CKAP5: variants seen among roughly 807,000 people sequenced by gnomAD.
CKAP5 encodes cytoskeleton-associated protein 5.
In CKAP5, 27 loss-of-function variants were observed where a neutral mutation model predicts 232.8. That is an observed-to-expected ratio of 0.12 (90% CI 0.09 to 0.16). The LOEUF is 0.16. Ranked by LOEUF, CKAP5 falls within the 10% of genes least tolerant of loss-of-function variation. The pLI is 1.00. For synonymous variants in CKAP5, 785 were observed against 841.1 expected (o/e 0.93, Z 1.16); for missense variants, 1,838 against 2,424.7 (o/e 0.76, Z 5.08).
intron 1 of CKAP5, among the ~76,000 whole-genome samples, chr11:46,845,292 C>A (rs1039939526): frequency 6.6e-6 from 1 of 152,116 alleles, no homozygotes; most frequent in African/African-American, 2.4e-5. Flanking sequence ...GCCTTGGTCC[C>A]ATGAGAATTA....
intron 8 of CKAP5, 31 bp from the exon 9 acceptor site, chr11:46,801,335 T>C (rs1376450638): frequency 1.3e-6 from 2 of 1,503,724 alleles, no homozygotes; most frequent in African/African-American, 1.4e-5. Context: ...GAAAACAAAA[T>C]AGTCACAGCC....
At position 46,829,059 on chromosome 11, in the gene CKAP5, C is replaced by A. The variant is rs1007382868; in HGVS notation, c.-37-7791G>T. On this transcript the variant is annotated intron_variant, in intron 1 of 43. Coordinates refer to ENST00000529230, the MANE Select transcript of CKAP5 (RefSeq NM_001008938.4). ...ACAAAAAATGAGACATTCGTCTATA[C>A]AAAAATTGCTTTGCAAATATTTAAA... Among the ~76,000 whole-genome samples the A allele has an allele frequency of 3.3e-5, 5 of 152,104 alleles. No individual in the cohort carries two copies. The East Asian group carries it at 9.6e-4, about 29-fold the overall frequency.
chr11:46,786,239 T>A (rs1472739024), intron 16 of CKAP5, among the ~76,000 whole-genome samples: 1 of 152,162 alleles, frequency 6.6e-6, no homozygotes, highest in Admixed American at 6.5e-5. Context: ...ACAGTGAGGT[T>A]TCTGGTGATT....
chr11:46,770,343 C>G (rs1163540784), intron 25 of CKAP5: 1 of 502,198 alleles, frequency 2.0e-6, no homozygotes, highest in Non-Finnish European at 3.5e-6. Context: ...TACTTCTACA[C>G]TGCTTAATAT....
In CKAP5 at chr11:46,744,212, A is replaced by G. The variant is rs1460537944; in HGVS notation, c.5910T>C (p.Thr1970=). The G allele has an allele frequency of 6.2e-7, 1 of 1,614,046 alleles. No homozygotes were observed. The highest frequency in any genetic ancestry group is 8.5e-7 in the Non-Finnish European group (1 of 1,180,036). Residue 1970 remains threonine, a synonymous_variant, in exon 44 of 44, where the codon ACT becomes ACC. Transcript: ENST00000529230. ...GGAGCATGTCTGTGGAAGAGGCGAC[A>G]GTAGGAACTGCTGGTTTGGAGAGCA... The part of the protein sequence containing the change: ...TSLLSKPAVP[T]VASSTDMLHS...
At chr11:46,838,006 A>G (rs1939954709) in intron 1 of CKAP5, among the ~76,000 whole-genome samples, 1 of 152,190 alleles carries the variant, frequency 6.6e-6, no homozygotes, top group Non-Finnish European at 1.5e-5. Flanking sequence ...GAAACCTCAC[A>G]AACACTATTT....
intron 1 of CKAP5, among the ~76,000 whole-genome samples, chr11:46,843,170 G>T (rs1940102042): frequency 6.6e-6 from 1 of 152,008 alleles, no homozygotes; most frequent in South Asian, 2.1e-4. Context: ...CCCCAGTTTG[G>T]AGAAATTGTA....
At chr11:46,793,582 G>A (rs1938793091) in intron 13 of CKAP5, among the ~76,000 whole-genome samples, 1 of 152,208 alleles carries the variant, frequency 6.6e-6, no homozygotes, top group African/African-American at 2.4e-5. Flanking sequence ...TAAGTGTGTT[G>A]CCACATTTTA....
intron 29 of CKAP5, 35 bp downstream of exon 29, chr11:46,763,446 T>G (rs1168828386): frequency 2.6e-6 from 4 of 1,552,494 alleles, no homozygotes; most frequent in Non-Finnish European, 3.5e-6. Context: ...TTTACATGTC[T>G]GAAATACATG....
intron 3 of CKAP5, 55 bp from the exon 4 acceptor site, chr11:46,816,459 AG>A (rs1200096592): frequency 6.9e-7 from 1 of 1,443,734 alleles, no homozygotes; most frequent in Non-Finnish European, 9.7e-7. Flanking sequence ...AATTGGAAAA[AG>A]GTCACGGAAA....
chr11:46,814,131 CAAAAAA>C (rs60142188), intron 4 of CKAP5, among the ~76,000 whole-genome samples: 3 of 81,262 alleles, frequency 3.7e-5, no homozygotes, highest in Admixed American at 1.5e-4. Context: ...GACCTTGTCT[CAAAAAA>C]AAAAAAAAAA....
At chr11:46,814,131 CAAAAAAAAAAA>C (rs60142188) in intron 4 of CKAP5, among the ~76,000 whole-genome samples, 3 of 81,266 alleles carry the variant, frequency 3.7e-5, no homozygotes, top group African/African-American at 1.5e-4. Context: ...GACCTTGTCT[CAAAAAAAAAAA>C]AAAAAAAAAA....
chr11:46,803,394 G>A (rs146598807), intron 8 of CKAP5, among the ~76,000 whole-genome samples: 150 of 151,818 alleles, frequency 9.9e-4, no homozygotes, highest in Non-Finnish European at 1.7e-3. Context: ...TCAGCCTCCC[G>A]ACTGGCTGGG....
At chr11:46,836,850 G>A (rs552367082) in intron 1 of CKAP5, among the ~76,000 whole-genome samples, 2 of 152,306 alleles carry the variant, frequency 1.3e-5, no homozygotes, top group African/African-American at 2.4e-5. Flanking sequence ...CTTTTGGGAG[G>A]CCAAGGCAGG....
chr11:46,810,278 T>C (rs1191708467), intron 5 of CKAP5, among the ~76,000 whole-genome samples: 1 of 152,018 alleles, frequency 6.6e-6, no homozygotes, highest in Admixed American at 6.6e-5. Context: ...GGCCTCTAAT[T>C]TCTTATTTAT....
rs750981919 is a variant in CKAP5 at position 46,753,239 on chromosome 11, A to G, written c.5057+71T>C. On this transcript the variant is annotated intron_variant, in intron 37 of 43. Coordinates refer to ENST00000529230, the MANE Select transcript of CKAP5 (RefSeq NM_001008938.4). ...GGTTGCCTAGGAAGTTGACTTACGG[A>G]CATTATGGTTTCTAAGTGTAAACAA... The G allele has an allele frequency of 4.0e-6, 5 of 1,265,338 alleles. No individual in the cohort carries two copies. In the South Asian group the frequency reaches 7.4e-5, roughly 19 times the overall value. 78.4% of individuals were successfully genotyped at this position (1,265,338 alleles called of 1,614,324 possible).
intron 24 of CKAP5, among the ~76,000 whole-genome samples, chr11:46,773,482 C>A (rs1359410302): frequency 1.3e-5 from 2 of 151,724 alleles, no homozygotes; most frequent in African/African-American, 2.4e-5. Context: ...CTCCTGACCT[C>A]AGGTGATCCA....
chr11:46,805,978 T>A (rs1939145182), intron 8 of CKAP5, among the ~76,000 whole-genome samples: 1 of 152,212 alleles, frequency 6.6e-6, no homozygotes, highest in African/African-American at 2.4e-5. Flanking sequence ...CTGTCACTAC[T>A]TAAGGCAAAA....
intron 1 of CKAP5, among the ~76,000 whole-genome samples, chr11:46,824,514 G>C (rs1025021370): frequency 1.3e-5 from 2 of 152,166 alleles, no homozygotes; most frequent in Non-Finnish European, 2.9e-5. Context: ...TCAAAAGCTG[G>C]AAACAGTTCA....
Sources: gnomAD v4.1 joint callset for allele counts (sites outside exome capture counted in the v4.1 genomes callset) on GRCh38, gnomAD v4.1.1 for gene constraint, MANE v1.5 for transcripts, NCBI Gene and HGNC (gene_info 2026-07-23, HGNC 2026-07-21) for gene names.